Variants in HIP1R observed in about 807,000 individuals in gnomAD.
HIP1R encodes the protein huntingtin-interacting protein 1-related protein.
Under a neutral mutation model 144.2 loss-of-function variants are expected in HIP1R, and 135 were observed. That is an observed-to-expected ratio of 0.94 (90% confidence interval 0.81 to 1.08). The LOEUF (loss-of-function observed/expected upper bound fraction) is 1.08. Among genes scored for constraint, HIP1R ranks in the 50% least tolerant of loss-of-function variants. The pLI is 0.00. For synonymous variants in HIP1R, 698 were observed against 612.8 expected (o/e 1.14, Z -2.05); for missense variants, 1,462 against 1,432.8 (o/e 1.02, Z -0.33).
chr12:122,859,714 T>C, intron 23 of HIP1R, 58 bp from the exon 24 acceptor site: 1 of 1,579,456 alleles, frequency 6.3e-7, no homozygotes, highest in Non-Finnish European at 8.7e-7. Context: ...AGCCCTGGCT[T>C]TCCCAGGACC....
rs1165437110 is a variant in HIP1R, at chr12:122,836,565, T to C, written c.93+922T>C. Among the ~76,000 whole-genome samples, 6 of 152,206 alleles carry C rather than the reference T, an allele frequency of 3.9e-5. No individual in the cohort carries two copies. In the South Asian group the frequency reaches 6.2e-4, roughly 16 times the overall value. ...GCTCTCAGGCTTGGGGGATGGGCGG[T>C]GGAGGGGGGCATACTTGTTTATTTG... On this transcript the variant is annotated intron_variant, in intron 1 of 31. Transcript: ENST00000253083. This position sits in a 1 kb window ranked among gnomAD's most constrained non-coding sequence, Gnocchi z 4.1.
chr12:122,848,290 C>T (rs1447289786), intron 2 of HIP1R, among the ~76,000 whole-genome samples, 176 bp from the exon 3 acceptor site: 2 of 152,228 alleles, frequency 1.3e-5, no homozygotes, highest in Admixed American at 6.5e-5. Context: ...CAATGATTTC[C>T]TTGTCTTGCC....
At chr12:122,847,939 ATCCTGT>A in intron 1 of HIP1R, 86 bp from the exon 2 acceptor site, 1 of 1,224,980 alleles carries the variant, frequency 8.2e-7, no homozygotes, top group Non-Finnish European at 1.2e-6. Context: ...CCCAGGCAGA[ATCCTGT>A]TCAGTATTGT....
At position 122,858,944 on chromosome 12, in the gene HIP1R, C is replaced by CCTTA; in HGVS notation, c.2158_2158+1insTTAC (p.Arg720LeufsTer77). The CCTTA allele has an allele frequency of 6.2e-7, 1 of 1,612,832 alleles. No individual in the cohort carries two copies. The highest frequency in any genetic ancestry group is 8.5e-7 in the Non-Finnish European group (1 of 1,179,676). ...ACCTGGCTCCCACCGACCCTGCCGA[C>CCTTA]CGTAAGTGGGTCCTGGGATGGCAGG... On this transcript the variant is annotated frameshift_variant and splice_region_variant, in exon 21 of 32. Coordinates refer to ENST00000253083, the MANE Select transcript of HIP1R (RefSeq NM_003959.3). LOFTEE classifies it high-confidence loss of function.
intron 6 of HIP1R, 21 bp from the exon 7 acceptor site, chr12:122,851,215 T>C: frequency 6.7e-7 from 1 of 1,492,126 alleles, no homozygotes; most frequent in Non-Finnish European, 8.9e-7. Flanking sequence ...TTTCATTTCT[T>C]CCCCCACTTC....
rs746269906 is a variant in HIP1R, at chr12:122,856,692, C to T, written c.1586C>T (p.Ala529Val). ...CTGGAGGCCAAGGCCGGAGAGCTGG[C>T]CCGCGCGCAGGAGGCCCTGAGCCAC... The part of the protein sequence containing the change: ...RELEAKAGEL[A>V]RAQEALSHTE... Residue 529 changes from alanine (A) to valine (V), a missense_variant, in exon 17 of 32, where the codon GCC (alanine) becomes GTC (valine). Around this residue, in one of 2 missense-constraint regions of HIP1R, gnomAD observed 1,112 missense variants for 1,011.7 expected, o/e 1.10. Coordinates refer to ENST00000253083, the MANE Select transcript of HIP1R (RefSeq NM_003959.3). 89 of 1,592,700 alleles carry T rather than the reference C, an allele frequency of 5.6e-5. No homozygotes were observed. The highest frequency in any genetic ancestry group is 7.3e-5 in the Non-Finnish European group (86 of 1,170,156).
At chr12:122,850,071 A>G (rs1389312730) in intron 5 of HIP1R, 116 bp downstream of exon 5, 1 of 753,544 alleles carries the variant, frequency 1.3e-6, no homozygotes, top group African/African-American at 1.7e-5. Context: ...GAGTCTTTCC[A>G]TTCACCTTCT....
At chr12:122,855,949 G>T in intron 13 of HIP1R, 31 bp from the exon 14 acceptor site, 1 of 1,570,878 alleles carries the variant, frequency 6.4e-7, no homozygotes, top group Non-Finnish European at 8.6e-7. Flanking sequence ...CACGGCCCAG[G>T]CAGGGCCCCA....
In HIP1R at chr12:122,854,132, T is replaced by C; in HGVS notation, c.667T>C (p.Cys223Arg). 1.2e-6 allele frequency: 2 copies of C among 1,613,908 alleles called. No individual in the cohort carries two copies. Among genetic ancestry groups the C allele is most frequent in the Non-Finnish European group, 1.7e-6 (2 of 1,179,958 alleles). The stretch of plus-strand genomic sequence containing the variant: ...CCCCCTCATCCAGGTCATCCAGGAC[T>C]GCAGCCACCTCTACCACTACACGGT... ...LAPLIQVIQD[C>R]SHLYHYTVKL... Residue 223 changes from cysteine to arginine, a missense_variant, in exon 8 of 32, where the codon TGC (cysteine) becomes CGC (arginine). This residue lies in a region of HIP1R where 350 missense variants were observed against 421.1 expected (regional missense o/e 0.83). Coordinates refer to ENST00000253083, the MANE Select transcript of HIP1R (RefSeq NM_003959.3).
In HIP1R at chr12:122,855,219, C is replaced by T. The variant is rs2033529688; in HGVS notation, c.853-46C>T. 6 of 1,610,804 alleles carry T rather than the reference C, an allele frequency of 3.7e-6. No individual in the cohort carries two copies. The African/African-American group carries it at 8.0e-5, about 22-fold the overall frequency. On this transcript the variant is annotated intron_variant, in intron 10 of 31. Coordinates refer to ENST00000253083, the MANE Select transcript of HIP1R (RefSeq NM_003959.3). ...GGCTATGGAGATGGCGGAAGGAGGG[C>T]TTGCTTAGGGGACAGCTGAGCAGGT...
At position 122,840,576 on chromosome 12, in the gene HIP1R, G is replaced by C. The variant is rs978966947; in HGVS notation, c.93+4933G>C. Among the ~76,000 whole-genome samples the C allele has an allele frequency of 1.3e-5, 2 of 152,216 alleles. No individual in the cohort carries two copies. Among genetic ancestry groups the C allele is most frequent in the African/African-American group, 4.8e-5 (2 of 41,448 alleles). ...CTGGTGTGTAGTGAATGCCGTGTAA[G>C]TGTTGGCTGTTATGTTGTGTTCAGA... On this transcript the variant is annotated intron_variant, in intron 1 of 31. Transcript: ENST00000253083. This position sits in a 1 kb window ranked among gnomAD's most constrained non-coding sequence, Gnocchi z 4.2.
chr12:122,856,332 G>T lies in HIP1R; in HGVS notation c.1389G>T (p.Glu463Asp). The part of the protein sequence containing the change: ...KHSELVHVHA[E>D]LLRKNADTAK... ...GTGAGCTCGTCCATGTGCACGCGGA[G>T]CTGCTCAGAAAGGTAGGTGCAGCCC... Residue 463 changes from glutamate to aspartate, a missense_variant, in exon 15 of 32, where the codon GAG (glutamate) becomes GAT (aspartate). Glu to Asp is a conservative substitution (Grantham distance 45). Around this residue, in one of 2 missense-constraint regions of HIP1R, gnomAD observed 1,112 missense variants for 1,011.7 expected, o/e 1.10. Coordinates refer to ENST00000253083, the MANE Select transcript of HIP1R (RefSeq NM_003959.3). 6.2e-7 allele frequency: 1 copy of T among 1,613,880 alleles called. No individual in the cohort carries two copies. The highest frequency in any genetic ancestry group is 8.5e-7 in the Non-Finnish European group (1 of 1,179,998).
intron 18 of HIP1R, 152 bp from the exon 19 acceptor site, chr12:122,857,950 G>A (rs760704052): frequency 3.0e-5 from 19 of 625,156 alleles, no homozygotes; most frequent in Non-Finnish European, 4.6e-5. Context: ...TGTGCACTGT[G>A]TGGGAAGCCT....
intron 7 of HIP1R, 47 bp from the exon 8 acceptor site, chr12:122,853,996 C>T (rs2033477108): frequency 1.3e-6 from 2 of 1,590,972 alleles, no homozygotes; most frequent in Non-Finnish European, 8.6e-7. Context: ...GGACAGGTTG[C>T]CCAGCTCCCA....
rs2032862239 is a variant in HIP1R at position 122,835,621 on chromosome 12, G to A, written c.71G>A (p.Arg24His). ...CCGGGCCACAGCCTGGAGGCCGAGC[G>A]CGAGCAGTTCGACAAGACCCAGGCG... ...RRPGHSLEAE[R>H]EQFDKTQAIS... Residue 24 changes from arginine to histidine, a missense_variant, in exon 1 of 32, where the codon CGC becomes CAC. This residue lies in a region of HIP1R where 350 missense variants were observed against 421.1 expected (regional missense o/e 0.83). Transcript: ENST00000253083. 3 of 1,295,846 alleles carry A rather than the reference G, an allele frequency of 2.3e-6. No individual in the cohort carries two copies. The highest frequency in any genetic ancestry group is 3.0e-5 in the Admixed American group (1 of 33,860). 80.3% of individuals were successfully genotyped at this position (1,295,846 alleles called of 1,614,324 possible). A position where few individuals can be genotyped will look rare whatever the true frequency, so the allele number is the denominator to read the frequency against.
intron 4 of HIP1R, among the ~76,000 whole-genome samples, chr12:122,849,439 C>T (rs1405741528): frequency 6.6e-6 from 1 of 152,268 alleles, no homozygotes; most frequent in Non-Finnish European, 1.5e-5. Context: ...TTATCCAACC[C>T]AGAACCACTG....
rs999264451 is a variant in HIP1R at position 122,848,485 on chromosome 12, C to T, written c.177C>T (p.His59=). Residue 59 remains histidine, a synonymous_variant, in exon 3 of 32, where the codon CAC becomes CAT. Transcript: ENST00000253083. Reference sequence around the variant, plus strand: ...TTGCAGGCATCATTCTGGGCACACACCACGAGAAGGGGGCTTTCACCTTCT... The same window carrying T: ...TTGCAGGCATCATTCTGGGCACACATCACGAGAAGGGGGCTTTCACCTTCT... ...KHARRIILGT[H]HEKGAFTFWS... is the part of the protein sequence containing the mutation. The T allele has an allele frequency of 1.2e-6, 2 of 1,612,636 alleles. No individual in the cohort carries two copies. The highest frequency in any genetic ancestry group is 1.7e-5 in the Admixed American group (1 of 59,948).
chr12:122,844,431 C>G (rs939558358), intron 1 of HIP1R, among the ~76,000 whole-genome samples: 3 of 152,236 alleles, frequency 2.0e-5, no homozygotes, highest in African/African-American at 7.2e-5. Context: ...TGGTCCCCCT[C>G]CATTATCACT....
intron 16 of HIP1R, 33 bp from the exon 17 acceptor site, chr12:122,856,592 C>G: frequency 6.3e-7 from 1 of 1,598,684 alleles, no homozygotes; most frequent in South Asian, 1.1e-5. Flanking sequence ...CATCCCCAGC[C>G]CACTGCCCCA....
Sources: gnomAD v4.1 joint callset for allele counts (sites outside exome capture counted in the v4.1 genomes callset) on GRCh38, gnomAD v4.1.1 for gene constraint, gnomAD v4.1.1 regional missense constraint, Gnocchi (gnomAD v3.1) non-coding constraint, MANE v1.5 for transcripts, NCBI Gene and HGNC (gene_info 2026-07-23, HGNC 2026-07-21) for gene names.